The following NPAS3 variants were observed in gnomAD, a reference collection of about 807,000 sequenced individuals.
NPAS3 encodes the protein neuronal PAS domain-containing protein 3.
A neutral mutation model predicts 73.1 loss-of-function variants in NPAS3; 14 were observed. That is an observed-to-expected ratio of 0.19 (90% confidence interval 0.13 to 0.30). The LOEUF (loss-of-function observed/expected upper bound fraction) is 0.30. Among genes scored for constraint, NPAS3 ranks in the 10% least tolerant of loss-of-function variants. The pLI is 1.00. For missense variants in NPAS3, 1,096 were observed against 1,250.0 expected (o/e 0.88, Z 1.86); for synonymous variants, 620 against 541.5 (o/e 1.14, Z -2.01).
At chr14:32,948,167 A>G (rs1040017734) in intron 1 of NPAS3, among the ~76,000 whole-genome samples, 1 of 152,060 alleles carries the variant, frequency 6.6e-6, no homozygotes, top group Non-Finnish European at 1.5e-5. Flanking sequence ...TTGAATCTTC[A>G]TTTGCTATGA....
chr14:33,803,183 A>T (rs987401815), downstream of NPAS3: 5 of 152,226 alleles, frequency 3.3e-5, no homozygotes, highest in African/African-American at 1.2e-4. Flanking sequence ...AGGTTGGCTG[A>T]TGGAGCAATA....
chr14:33,516,575 C>A (rs999744866), intron 4 of NPAS3, among the ~76,000 whole-genome samples: 2 of 152,108 alleles, frequency 1.3e-5, no homozygotes, highest in Non-Finnish European at 2.9e-5. Context: ...TAGCTGCATG[C>A]CCTAGGGCAA....
chr14:33,703,104 T>C (rs1364197887), intron 6 of NPAS3, among the ~76,000 whole-genome samples: 9 of 151,578 alleles, frequency 5.9e-5, no homozygotes, highest in African/African-American at 2.2e-4. Context: ...GGGAAGAGGA[T>C]TGGGGCAGAA....
intron 2 of NPAS3, among the ~76,000 whole-genome samples, chr14:33,161,466 G>T (rs1362025736): frequency 6.6e-6 from 1 of 152,170 alleles, no homozygotes; most frequent in East Asian, 1.9e-4. Flanking sequence ...CCAAGTTCTT[G>T]ACCACTGTCT....
At position 33,349,879 on chromosome 14, in the gene NPAS3, A is replaced by G. The variant is rs540998306; in HGVS notation, c.386-17307A>G. ...TCCTTTTGTACAGTCTCTGGGCGGA[A>G]TTGTTGAAGGACAGGAAATTCTTCT... On this transcript the variant is annotated intron_variant, in intron 3 of 11. Transcript: ENST00000356141. Among the ~76,000 whole-genome samples, 35 of 152,280 alleles carry G rather than the reference A, an allele frequency of 2.3e-4. 1 individual carries two copies. The South Asian group carries it at 7.3e-3, about 32-fold the overall frequency.
At chr14:33,434,196 A>G (rs2048891227) in intron 4 of NPAS3, among the ~76,000 whole-genome samples, 1 of 151,774 alleles carries the variant, frequency 6.6e-6, no homozygotes, top group Admixed American at 6.6e-5. Context: ...CCGTCTCTAA[A>G]TAAATAAATA....
chr14:33,144,466 T>A (rs2044168572), intron 2 of NPAS3, among the ~76,000 whole-genome samples: 1 of 152,266 alleles, frequency 6.6e-6, no homozygotes, highest in South Asian at 2.1e-4. Context: ...AACATTTCAA[T>A]CTTTCAGTCC....
chr14:32,983,915 T>C (rs2037997947), intron 1 of NPAS3, among the ~76,000 whole-genome samples: 2 of 152,094 alleles, frequency 1.3e-5, no homozygotes, highest in Admixed American at 6.6e-5. Flanking sequence ...AGAGATGGGG[T>C]TTTGCCATGT....
chr14:33,204,733 C>T lies in NPAS3; in HGVS notation c.141-10449C>T, dbSNP rs558970908. On this transcript the variant is annotated intron_variant, in intron 2 of 11. Coordinates refer to ENST00000356141, the Ensembl canonical transcript of NPAS3. ...CATAGAAACCCTAGCTGCATTCTAA[C>T]GGACTCAATCGTCTGGTTAAGACCC... 3.3e-5 allele frequency among the ~76,000 whole-genome samples: 5 copies of T among 152,262 alleles called. No individual in the cohort carries two copies. In the East Asian group the frequency reaches 7.7e-4, roughly 24 times the overall value.
At chr14:33,791,460 A>G (rs1044368632) in intron 9 of NPAS3, among the ~76,000 whole-genome samples, 2 of 152,226 alleles carry the variant, frequency 1.3e-5, no homozygotes, top group African/African-American at 4.8e-5. Context: ...CAGGAAACAC[A>G]GATCCATTTA....
chr14:33,119,978 A>G (rs938865002), intron 2 of NPAS3, among the ~76,000 whole-genome samples: 2 of 151,986 alleles, frequency 1.3e-5, no homozygotes, highest in African/African-American at 2.4e-5. Context: ...ATTAAAGATC[A>G]TCTCTGCTAG....
At chr14:33,780,597 G>A (rs2062949324) in intron 9 of NPAS3, 1 of 452,794 alleles carries the variant, frequency 2.2e-6, no homozygotes, top group African/African-American at 2.0e-5. Flanking sequence ...AAAACATCAT[G>A]CATCATGCTA....
At chr14:33,414,131 A>G (rs1399887128) in intron 4 of NPAS3, among the ~76,000 whole-genome samples, 2 of 152,148 alleles carry the variant, frequency 1.3e-5, no homozygotes, top group Non-Finnish European at 2.9e-5. Flanking sequence ...GCTTTCAGGT[A>G]AAGCAAATCA....
At chr14:33,222,935 C>G (rs1375141886) in intron 3 of NPAS3, among the ~76,000 whole-genome samples, 1 of 152,130 alleles carries the variant, frequency 6.6e-6, no homozygotes, top group Non-Finnish European at 1.5e-5. Flanking sequence ...GCGCTAGAAG[C>G]AGGTGTGGCT....
chr14:33,758,617 T>C (rs1047584121), intron 7 of NPAS3, among the ~76,000 whole-genome samples: 8 of 152,256 alleles, frequency 5.3e-5, no homozygotes, highest in Non-Finnish European at 8.8e-5. Flanking sequence ...TCCTAGAAAT[T>C]CTTCTCAATG....
chr14:33,773,446 T>G (rs1293527155), intron 7 of NPAS3, among the ~76,000 whole-genome samples: 2 of 152,170 alleles, frequency 1.3e-5, no homozygotes, highest in Admixed American at 1.3e-4. Context: ...TTCTGCAACC[T>G]AAGGCATAGT....
chr14:33,245,316 ACT>A (rs773132809), intron 3 of NPAS3, among the ~76,000 whole-genome samples: 4 of 152,182 alleles, frequency 2.6e-5, no homozygotes, highest in Non-Finnish European at 4.4e-5. Flanking sequence ...TATTAAGTGC[ACT>A]TCATGGATTA....
At chr14:33,094,650 G>C (rs1353204238) in intron 2 of NPAS3, among the ~76,000 whole-genome samples, 2 of 152,052 alleles carry the variant, frequency 1.3e-5, no homozygotes, top group Non-Finnish European at 2.9e-5. Flanking sequence ...ATTTTTCGTA[G>C]AGATGAGGCT....
chr14:33,050,008 C>T (rs74041770), intron 1 of NPAS3, among the ~76,000 whole-genome samples: 218 of 152,262 alleles, frequency 1.4e-3, no homozygotes, highest in African/African-American at 5.1e-3. Flanking sequence ...CCAGAATTAG[C>T]AGAAACTGCA....
Sources: allele counts gnomAD v4.1 joint callset (sites outside exome capture counted in the v4.1 genomes callset), GRCh38; gene constraint gnomAD v4.1.1; transcripts MANE v1.5; gene names NCBI Gene and HGNC (gene_info 2026-07-23, HGNC 2026-07-21).